The following EPHA5 variants were observed in gnomAD, a reference collection of about 807,000 sequenced individuals.
EPHA5 encodes the protein ephrin type-A receptor 5.
Under a neutral mutation model 105.0 loss-of-function variants are expected in EPHA5, and 60 were observed. The ratio of observed to expected loss-of-function variants is 0.57; its 90% CI spans 0.46 to 0.71. The LOEUF (loss-of-function observed/expected upper bound fraction) is 0.71, where lower values mean the gene tolerates loss of function less well. Ranked by LOEUF, EPHA5 falls within the 30% of genes least tolerant of loss-of-function variation. The pLI, the probability that EPHA5 is intolerant of heterozygous loss-of-function variation, is 0.00. For missense variants in EPHA5, 1,218 were observed against 1,274.7 expected, an observed-to-expected ratio of 0.96 and a Z score of 0.68; for synonymous variants, 513 against 449.1, an observed-to-expected ratio of 1.14 and a Z score of -1.80.
At position 65,366,070 on chromosome 4, in the gene EPHA5, A is replaced by T; in HGVS notation, c.1862-13T>A. On this transcript the variant is annotated splice_polypyrimidine_tract_variant and intron_variant, in intron 9 of 16. Transcript: ENST00000613740. The stretch of plus-strand genomic sequence containing the variant: ...CCTGGCAGTTTAACTGTAAATATAA[A>T]TTGGCATTAAAACAGAAGTAGTTGT... 1 of 1,586,696 alleles carries T rather than the reference A, an allele frequency of 6.3e-7. No homozygotes were observed. The highest frequency in any genetic ancestry group is 8.6e-7 in the Non-Finnish European group (1 of 1,159,662).
At chr4:65,509,412 G>T (rs1041278008) in intron 3 of EPHA5, among the ~76,000 whole-genome samples, 1 of 152,022 alleles carries the variant, frequency 6.6e-6, no homozygotes, top group Admixed American at 6.6e-5. Context: ...GCTATCTGGG[G>T]ATATCAATTT....
chr4:65,665,247 T>G (rs2149558760), intron 1 of EPHA5, among the ~76,000 whole-genome samples: 1 of 152,032 alleles, frequency 6.6e-6, no homozygotes, highest in Non-Finnish European at 1.5e-5. Flanking sequence ...AAAAAGAAAC[T>G]AATTGCCATT....
intron 16 of EPHA5, chr4:65,330,853 A>G: frequency 2.9e-6 from 3 of 1,034,118 alleles, no homozygotes; most frequent in Non-Finnish European, 3.5e-6. Context: ...AATGAGATTC[A>G]GTAAATTTAG....
At chr4:65,499,503 T>C (rs1389170780) in intron 3 of EPHA5, among the ~76,000 whole-genome samples, 1 of 151,644 alleles carries the variant, frequency 6.6e-6, no homozygotes, top group African/African-American at 2.4e-5. Context: ...AATCACATGA[T>C]GACTCACTCC....
chr4:65,606,909 A>G (rs1004165121), intron 2 of EPHA5, among the ~76,000 whole-genome samples: 4 of 152,186 alleles, frequency 2.6e-5, no homozygotes, highest in African/African-American at 9.6e-5. Context: ...TGACCAAATC[A>G]TAACTTTCTA....
chr4:65,571,110 T>A (rs1289160924), intron 3 of EPHA5, among the ~76,000 whole-genome samples: 1 of 151,588 alleles, frequency 6.6e-6, no homozygotes, highest in Non-Finnish European at 1.5e-5. Flanking sequence ...ACTCAGAAAA[T>A]ATAAAAGTTA....
At chr4:65,378,987 A>G (rs1424167097) in intron 8 of EPHA5, among the ~76,000 whole-genome samples, 1 of 151,884 alleles carries the variant, frequency 6.6e-6, no homozygotes. Flanking sequence ...CTGGTTGTTA[A>G]CAAATGTATC....
At chr4:65,444,359 T>G (rs771864596) in intron 5 of EPHA5, among the ~76,000 whole-genome samples, 22 of 152,186 alleles carry the variant, frequency 1.4e-4, no homozygotes, top group Non-Finnish European at 3.1e-4. Flanking sequence ...AGTATAATAT[T>G]ATTGTAGATA....
intron 5 of EPHA5, 77 bp from the exon 6 acceptor site, chr4:65,420,642 T>C: frequency 1.5e-6 from 2 of 1,364,012 alleles, no homozygotes; most frequent in African/African-American, 1.5e-5. Flanking sequence ...ATTACGTATA[T>C]TGGCATTTTG....
Position 65,332,024 on chromosome 4 carries a change from A to G in EPHA5, c.2894T>C (p.Phe965Ser). 6.2e-7 allele frequency: 1 copy of G among 1,611,884 alleles called. No homozygotes were observed. Among genetic ancestry groups the G allele is most frequent in the Non-Finnish European group, 8.5e-7 (1 of 1,178,648 alleles). Residue 965 changes from phenylalanine to serine, a missense_variant, in exon 16 of 17, where the codon TTC becomes TCC. Around this residue, in one of 3 missense-constraint regions of EPHA5, gnomAD observed 971 missense variants for 1,013.5 expected, o/e 0.96. Coordinates refer to ENST00000613740, the MANE Select transcript of EPHA5 (RefSeq NM_001281766.3). ...AIKMGRYTEIFMENGYSSMDA... is the reference protein window; with the variant it reads ...AIKMGRYTEISMENGYSSMDA... ...CATTGAACTGTATCCATTTTCCATG[A>G]AAATCTCTGTATACCGGCCCATCTT...
intron 3 of EPHA5, chr4:65,574,203 A>G (rs1466152110): frequency 1.8e-5 from 29 of 1,604,162 alleles, no homozygotes; most frequent in Non-Finnish European, 2.5e-5. Context: ...GCAGCGCAAG[A>G]TTGATCAGAA....
intron 3 of EPHA5, among the ~76,000 whole-genome samples, chr4:65,586,968 AGAG>A (rs1460790590): frequency 6.6e-6 from 1 of 152,164 alleles, no homozygotes; most frequent in Non-Finnish European, 1.5e-5. Context: ...ATCAATCATC[AGAG>A]AAGTAGCAAT....
At chr4:65,621,050 A>G (rs1230045774) in intron 2 of EPHA5, among the ~76,000 whole-genome samples, 2 of 152,176 alleles carry the variant, frequency 1.3e-5, no homozygotes, top group Non-Finnish European at 2.9e-5. Flanking sequence ...TGATACACTG[A>G]AATTCATTAG....
intron 3 of EPHA5, among the ~76,000 whole-genome samples, chr4:65,584,442 T>G (rs1343734570): frequency 6.6e-6 from 1 of 151,878 alleles, no homozygotes; most frequent in African/African-American, 2.4e-5. Flanking sequence ...TAAAGCCCTT[T>G]TCGGATTTTT....
chr4:65,396,082 C>G (rs1257861872), intron 8 of EPHA5, among the ~76,000 whole-genome samples: 3 of 152,234 alleles, frequency 2.0e-5, no homozygotes, highest in East Asian at 3.9e-4. Flanking sequence ...CCCCAAAAGA[C>G]TCCCTGCCCC....
chr4:65,444,781 C>A (rs1726353386), intron 5 of EPHA5, among the ~76,000 whole-genome samples: 2 of 152,086 alleles, frequency 1.3e-5, no homozygotes, highest in African/African-American at 4.8e-5. Flanking sequence ...ATATAAAAAA[C>A]CTAAAAATTC....
chr4:65,509,397 T>C (rs2149257267), intron 3 of EPHA5, among the ~76,000 whole-genome samples: 1 of 152,248 alleles, frequency 6.6e-6, no homozygotes, highest in East Asian at 1.9e-4. Context: ...TATATTTGTG[T>C]CCTAGCTATC....
chr4:65,567,275 C>T (rs1049821661), intron 3 of EPHA5, among the ~76,000 whole-genome samples: 5 of 151,498 alleles, frequency 3.3e-5, no homozygotes, highest in African/African-American at 1.2e-4. Flanking sequence ...TTAGTAAACC[C>T]CTCTCTTCCG....
At chr4:65,413,272 A>AT (rs1381314167) in intron 7 of EPHA5, among the ~76,000 whole-genome samples, 1 of 152,048 alleles carries the variant, frequency 6.6e-6, no homozygotes, top group African/African-American at 2.4e-5. Context: ...CAAATTTATA[A>AT]TTTTTTACAA....
Sources: allele counts gnomAD v4.1 joint callset (sites outside exome capture counted in the v4.1 genomes callset), GRCh38; gene constraint gnomAD v4.1.1; regional missense constraint gnomAD v4.1.1; transcripts MANE v1.5; gene names NCBI Gene and HGNC (gene_info 2026-07-23, HGNC 2026-07-21).